Variants in ZC2HC1A observed in about 807,000 individuals in gnomAD.
The protein encoded by ZC2HC1A is zinc finger C2HC-type containing 1A, also known as zinc finger C2HC domain-containing protein 1A.
A neutral mutation model predicts 40.7 loss-of-function variants in ZC2HC1A; 28 were observed. The ratio of observed to expected loss-of-function variants is 0.69; its 90% CI spans 0.51 to 0.94. The LOEUF (loss-of-function observed/expected upper bound fraction) is 0.94. Among genes scored for constraint, ZC2HC1A ranks in the 40% least tolerant of loss-of-function variants. The pLI is 0.00. For synonymous variants in ZC2HC1A, 129 were observed against 129.2 expected, an observed-to-expected ratio of 1.00 and a Z score of 0.01; for missense variants, 389 against 386.3, an observed-to-expected ratio of 1.01 and a Z score of -0.06.
intron 7 of ZC2HC1A, among the ~76,000 whole-genome samples, chr8:78,702,359 TTTC>T (rs1810631223): frequency 1.3e-5 from 2 of 152,188 alleles, no homozygotes; most frequent in Admixed American, 1.3e-4. Flanking sequence ...TATTCTCTAT[TTTC>T]TTCTTTTTAG....
At chr8:78,675,748 A>T in intron 1 of ZC2HC1A, 39 bp from the exon 2 acceptor site, 1 of 1,487,164 alleles carries the variant, frequency 6.7e-7, no homozygotes, top group Non-Finnish European at 9.2e-7. Context: ...CACAATTTCA[A>T]GTTATATAAA....
At chr8:78,672,046 A>C (rs986690526) in intron 1 of ZC2HC1A, among the ~76,000 whole-genome samples, 1 of 152,154 alleles carries the variant, frequency 6.6e-6, no homozygotes, top group African/African-American at 2.4e-5. Flanking sequence ...CTGAGGACTC[A>C]TAGTTCTCAG....
rs149255600 is a variant in ZC2HC1A, at chr8:78,682,471, G to A, written c.210+3792G>A. On this transcript the variant is annotated intron_variant, in intron 3 of 8. Transcript: ENST00000263849. ...CTTACATGGCGGCAGACAAGAGCAG[G>A]GGAACTTCCCTTTTTAATAAAACCA... is the stretch of plus-strand genomic sequence containing the variant. Among the ~76,000 whole-genome samples the A allele has an allele frequency of 5.7e-3, 872 of 152,166 alleles. 8 individuals carry two copies. The highest frequency in any genetic ancestry group is 0.02 in the African/African-American group (817 of 41,504).
chr8:78,698,431 G>T lies in ZC2HC1A; in HGVS notation c.622G>T (p.Val208Leu). 2 of 1,612,418 alleles carry T rather than the reference G, an allele frequency of 1.2e-6. No individual in the cohort carries two copies. The highest frequency in any genetic ancestry group is 1.7e-6 in the Non-Finnish European group (2 of 1,179,192). The stretch of plus-strand genomic sequence containing the variant: ...ATTATAAGGTGTTCCTTCAGGTAAA[G>T]TGTCTTCAAGTAGCAGCTCTTTGGG... ...KTVVGVPSGKVSSSSSSLGNK... is the reference protein window; with the variant it reads ...KTVVGVPSGKLSSSSSSLGNK... Residue 208 changes from valine (V) to leucine (L), a missense_variant, in exon 7 of 9, where the codon GTG becomes TTG. By Grantham distance (32) the Val-to-Leu change is conservative. Transcript: ENST00000263849.
intron 7 of ZC2HC1A, among the ~76,000 whole-genome samples, chr8:78,713,171 A>C (rs1292601204): frequency 6.6e-6 from 1 of 152,158 alleles, no homozygotes; most frequent in Non-Finnish European, 1.5e-5. Flanking sequence ...TAGATTCTAG[A>C]TACAGAGTAA....
intron 1 of ZC2HC1A, among the ~76,000 whole-genome samples, chr8:78,669,393 A>G (rs1384803): frequency 0.74 from 112,917 of 151,994 alleles, 43,045 homozygotes; most frequent in East Asian, 0.91. Flanking sequence ...TTAGCTAAGT[A>G]CCTAGTGCAT....
intron 7 of ZC2HC1A, among the ~76,000 whole-genome samples, chr8:78,706,653 A>G (rs1252539073): frequency 6.6e-6 from 1 of 151,992 alleles, no homozygotes; most frequent in African/African-American, 2.4e-5. Flanking sequence ...ATTAGTCCCA[A>G]TGCAAGTACA....
chr8:78,679,712 G>A (rs894817251), intron 3 of ZC2HC1A, among the ~76,000 whole-genome samples: 2 of 152,112 alleles, frequency 1.3e-5, no homozygotes, highest in Admixed American at 6.5e-5. Flanking sequence ...GAATCCTACT[G>A]TTAATGGTAA....
chr8:78,669,433 A>G (rs1437646813), intron 1 of ZC2HC1A, among the ~76,000 whole-genome samples: 1 of 152,198 alleles, frequency 6.6e-6, no homozygotes. Context: ...TGTTTGTTAG[A>G]TGGCGAAAAT....
intron 7 of ZC2HC1A, among the ~76,000 whole-genome samples, chr8:78,708,143 G>A (rs1810837006): frequency 6.6e-6 from 1 of 152,162 alleles, no homozygotes; most frequent in African/African-American, 2.4e-5. Flanking sequence ...ATTCAGGATT[G>A]AGTAAAGGTT....
chr8:78,698,061 G>C (rs1810488881), intron 6 of ZC2HC1A, among the ~76,000 whole-genome samples: 1 of 152,082 alleles, frequency 6.6e-6, no homozygotes, highest in Non-Finnish European at 1.5e-5. Flanking sequence ...AGTCAGCCCA[G>C]TACTTCCTTG....
intron 3 of ZC2HC1A, among the ~76,000 whole-genome samples, chr8:78,686,134 T>C (rs1407776669): frequency 6.6e-6 from 1 of 152,204 alleles, no homozygotes; most frequent in African/African-American, 2.4e-5. Flanking sequence ...CTCGTACTAC[T>C]GTTATAATGG....
Position 78,715,394 on chromosome 8 carries a change from C to T in ZC2HC1A, c.812+66C>T, listed in dbSNP as rs897851958. 9 of 1,410,186 alleles carry T rather than the reference C, an allele frequency of 6.4e-6. No homozygotes were observed. The African/African-American group carries it at 1.3e-4, about 21-fold the overall frequency. The allele number at this position is 1,410,186 out of a possible 1,614,324, so 87.4% of individuals were successfully genotyped here. ...GAGTATATGATAGTTTTCCAAGGAC[C>T]ATACACAAAAGTAAGTAACAAGCTA... On this transcript the variant is annotated intron_variant, in intron 8 of 8. Coordinates refer to ENST00000263849, the MANE Select transcript of ZC2HC1A (RefSeq NM_016010.3).
At chr8:78,681,532 T>C (rs538789679) in intron 3 of ZC2HC1A, among the ~76,000 whole-genome samples, 1 of 152,176 alleles carries the variant, frequency 6.6e-6, no homozygotes, top group Non-Finnish European at 1.5e-5. Flanking sequence ...GTCATTCTTT[T>C]TGTCAGAGTT....
chr8:78,696,345 A>T (rs1033153299), intron 5 of ZC2HC1A, among the ~76,000 whole-genome samples: 1 of 151,968 alleles, frequency 6.6e-6, no homozygotes, highest in African/African-American at 2.4e-5. Flanking sequence ...GTTAAAACCA[A>T]TTTTTCACAT....
At chr8:78,712,012 C>T (rs1238078393) in intron 7 of ZC2HC1A, 3 of 1,289,504 alleles carry the variant, frequency 2.3e-6, no homozygotes, top group Non-Finnish European at 3.0e-6. Flanking sequence ...GTTAGGCCCT[C>T]CACTTCGAAC....
intron 7 of ZC2HC1A, among the ~76,000 whole-genome samples, chr8:78,699,405 C>G (rs922469403): frequency 6.6e-6 from 1 of 152,054 alleles, no homozygotes; most frequent in Non-Finnish European, 1.5e-5. Context: ...AGGTGTATGT[C>G]TATATCTTTA....
intron 7 of ZC2HC1A, chr8:78,712,034 T>C (rs1186090445): frequency 1.6e-6 from 2 of 1,289,758 alleles, no homozygotes; most frequent in Admixed American, 4.6e-5. Context: ...GGAAGACTTG[T>C]GCAAAGGTTG....
chr8:78,687,016 A>T (rs1222237070), intron 4 of ZC2HC1A, among the ~76,000 whole-genome samples: 1 of 152,066 alleles, frequency 6.6e-6, no homozygotes, highest in African/African-American at 2.4e-5. Flanking sequence ...AAAAATCATA[A>T]TTTTCCTAAA....
Sources: gnomAD v4.1 joint callset for allele counts (sites outside exome capture counted in the v4.1 genomes callset) on GRCh38, gnomAD v4.1.1 for gene constraint, MANE v1.5 for transcripts, NCBI Gene and HGNC (gene_info 2026-07-23, HGNC 2026-07-21) for gene names.